Variants in SNTG1 observed in about 807,000 individuals in gnomAD.
SNTG1 encodes the protein syntrophin gamma 1.
A neutral mutation model predicts 74.7 loss-of-function variants in SNTG1; 39 were observed. The ratio of observed to expected loss-of-function variants is 0.52; its 90% CI spans 0.40 to 0.68. The LOEUF (loss-of-function observed/expected upper bound fraction) is 0.68, where lower values mean the gene tolerates loss of function less well. SNTG1 is among the 30% of genes least tolerant of loss of function. The pLI, the probability that SNTG1 is intolerant of heterozygous loss-of-function variation, is 0.00. For synonymous variants in SNTG1, 254 were observed against 217.1 expected (o/e 1.17, Z -1.49); for missense variants, 685 against 609.5 (o/e 1.12, Z -1.30).
chr8:50,782,297 T>C (rs1267074793), intron 18 of SNTG1, among the ~76,000 whole-genome samples: 1 of 152,214 alleles, frequency 6.6e-6, no homozygotes, highest in Non-Finnish European at 1.5e-5. Context: ...TCCTGCAGAG[T>C]GTTTTCCAAC....
chr8:50,785,278 G>A (rs10958117), intron 18 of SNTG1, among the ~76,000 whole-genome samples: 48,749 of 151,484 alleles, frequency 0.32, 7,958 homozygotes, highest in Middle Eastern at 0.43. Flanking sequence ...GTTAACAAGA[G>A]TGACAAAACT....
intron 1 of SNTG1, among the ~76,000 whole-genome samples, chr8:49,917,231 G>A (rs1261777166): frequency 6.6e-6 from 1 of 152,050 alleles, no homozygotes; most frequent in Non-Finnish European, 1.5e-5. Context: ...TAATTTAACT[G>A]CTCAGCTATA....
chr8:50,159,135 T>C (rs1480537517), intron 1 of SNTG1, among the ~76,000 whole-genome samples: 2 of 151,298 alleles, frequency 1.3e-5, no homozygotes, highest in Admixed American at 6.6e-5. Flanking sequence ...CTTGGCTCCA[T>C]GTTTATATTG....
intron 2 of SNTG1, among the ~76,000 whole-genome samples, chr8:50,393,852 T>A (rs2092693578): frequency 6.6e-6 from 1 of 152,202 alleles, no homozygotes; most frequent in Non-Finnish European, 1.5e-5. Context: ...TTTTTGAAGT[T>A]TCTTTCTCAA....
chr8:50,720,693 A>G (rs555708855), intron 17 of SNTG1, among the ~76,000 whole-genome samples: 49 of 152,326 alleles, frequency 3.2e-4, no homozygotes, highest in African/African-American at 1.2e-3. Flanking sequence ...GATAAAAGGT[A>G]TGTTTACGGT....
chr8:49,985,838 G>A, intron 1 of SNTG1, among the ~76,000 whole-genome samples: 1 of 152,034 alleles, frequency 6.6e-6, no homozygotes, highest in East Asian at 1.9e-4. Context: ...TTCATTCCAT[G>A]ATGATAATGA....
intron 18 of SNTG1, among the ~76,000 whole-genome samples, chr8:50,778,967 C>T (rs1259298617): frequency 1.3e-5 from 2 of 152,130 alleles, no homozygotes; most frequent in African/African-American, 4.8e-5. Flanking sequence ...GGGAATCTTT[C>T]CCCATTGCCT....
At chr8:50,529,396 G>C (rs1441073797) in intron 9 of SNTG1, among the ~76,000 whole-genome samples, 1 of 151,910 alleles carries the variant, frequency 6.6e-6, no homozygotes, top group African/African-American at 2.4e-5. Context: ...TATGTAAGTA[G>C]TGTTCCCTAT....
intron 8 of SNTG1, among the ~76,000 whole-genome samples, chr8:50,480,834 A>T (rs997850680): frequency 6.6e-6 from 1 of 152,204 alleles, no homozygotes; most frequent in African/African-American, 2.4e-5. Flanking sequence ...TATTTCATTG[A>T]AAGAATTACA....
intron 1 of SNTG1, among the ~76,000 whole-genome samples, chr8:49,915,256 G>A (rs1212987665): frequency 6.6e-6 from 1 of 152,018 alleles, no homozygotes; most frequent in African/African-American, 2.4e-5. Context: ...CTACTTTGTG[G>A]GATACTGGAA....
At chr8:50,698,306 C>T (rs2095411977) in intron 15 of SNTG1, among the ~76,000 whole-genome samples, 1 of 152,124 alleles carries the variant, frequency 6.6e-6, no homozygotes, top group Non-Finnish European at 1.5e-5. Context: ...CTCTCTCATG[C>T]CCCCATTTTT....
At chr8:50,248,201 T>C (rs2086487253) in intron 2 of SNTG1, among the ~76,000 whole-genome samples, 1 of 152,156 alleles carries the variant, frequency 6.6e-6, no homozygotes, top group African/African-American at 2.4e-5. Context: ...GAGTTAGGAC[T>C]TCAACATTTG....
chr8:50,670,875 C>G (rs564414875), intron 15 of SNTG1, among the ~76,000 whole-genome samples: 1 of 151,762 alleles, frequency 6.6e-6, no homozygotes, highest in African/African-American at 2.4e-5. Flanking sequence ...ACAGAGCCCT[C>G]AGAAATGACG....
Position 50,502,862 on chromosome 8 carries a change from T to C in SNTG1, c.448T>C (p.Leu150=), listed in dbSNP as rs772362670. The C allele has an allele frequency of 1.9e-6, 3 of 1,612,994 alleles. No individual in the cohort carries two copies. Among genetic ancestry groups the C allele is most frequent in the Non-Finnish European group, 2.5e-6 (3 of 1,179,302 alleles). ...KRAPAFLKLP[L]NEDCACAPSD... ...AGCACCTGCTTTCCTCAAACTCCCA[T>C]TGAATGAAGATTGTGCATGTAAGCA... The change falls in exon 9 of 19, where the codon TTG becomes CTG. Residue 150 remains leucine, a synonymous_variant. Coordinates refer to ENST00000642720, the MANE Select transcript of SNTG1 (RefSeq NM_018967.5).
chr8:50,452,911 A>G (rs1050817694), intron 8 of SNTG1, among the ~76,000 whole-genome samples: 6 of 152,236 alleles, frequency 3.9e-5, no homozygotes, highest in African/African-American at 1.4e-4. Flanking sequence ...AGGTATAACA[A>G]GCTGAGAGAA....
At chr8:50,143,915 A>C (rs562742864) in intron 1 of SNTG1, among the ~76,000 whole-genome samples, 1 of 152,210 alleles carries the variant, frequency 6.6e-6, no homozygotes, top group African/African-American at 2.4e-5. Flanking sequence ...ATTAAAAATT[A>C]GAATTCCTTT....
At chr8:50,618,193 A>G (rs368591242) in intron 13 of SNTG1, among the ~76,000 whole-genome samples, 2 of 152,214 alleles carry the variant, frequency 1.3e-5, no homozygotes, top group African/African-American at 4.8e-5. Flanking sequence ...AAGAGAAACA[A>G]CCAGTACCAC....
intron 1 of SNTG1, among the ~76,000 whole-genome samples, chr8:49,957,489 G>T (rs748601644): frequency 6.6e-6 from 1 of 152,140 alleles, no homozygotes; most frequent in Non-Finnish European, 1.5e-5. Flanking sequence ...ATGTAGGGGG[G>T]TAAGTGTGTC....
chr8:50,007,459 A>AT (rs1815349462), intron 1 of SNTG1, among the ~76,000 whole-genome samples: 1 of 152,176 alleles, frequency 6.6e-6, no homozygotes, highest in Middle Eastern at 3.4e-3. Context: ...AAACGTAGGC[A>AT]TTTTTCTTAC....
Sources: allele counts gnomAD v4.1 joint callset (sites outside exome capture counted in the v4.1 genomes callset), GRCh38; gene constraint gnomAD v4.1.1; transcripts MANE v1.5; gene names NCBI Gene and HGNC (gene_info 2026-07-23, HGNC 2026-07-21).